The following NAV3 variants were observed in gnomAD, a reference collection of about 807,000 sequenced individuals.
NAV3 encodes the protein pore membrane and/or filament interacting like protein 1.
Under a neutral mutation model 244.7 loss-of-function variants are expected in NAV3, and 87 were observed. That is an observed-to-expected ratio of 0.36 (90% CI 0.30 to 0.42). NAV3 has a LOEUF of 0.42. Among genes scored for constraint, NAV3 ranks in the 20% least tolerant of loss-of-function variants. NAV3 has a pLI of 1.00. For synonymous variants in NAV3, 1,126 were observed against 1,042.2 expected, an observed-to-expected ratio of 1.08 and a Z score of -1.55; for missense variants, 2,663 against 2,893.3, an observed-to-expected ratio of 0.92 and a Z score of 1.83.
At chr12:77,905,429 G>A (rs1464640024) in intron 1 of NAV3, among the ~76,000 whole-genome samples, 7 of 152,016 alleles carry the variant, frequency 4.6e-5, no homozygotes, top group African/African-American at 1.7e-4. Context: ...AAAATAGAGA[G>A]GATCTTCAAA....
At chr12:77,903,676 G>A (rs1366053096) in intron 1 of NAV3, among the ~76,000 whole-genome samples, 1 of 152,276 alleles carries the variant, frequency 6.6e-6, no homozygotes, top group African/African-American at 2.4e-5. Flanking sequence ...CTTCTGCACA[G>A]CAAAAGAAAC....
chr12:77,734,298 G>A (rs1188835387), intron 2 of NAV3, among the ~76,000 whole-genome samples: 1 of 151,544 alleles, frequency 6.6e-6, no homozygotes, highest in Admixed American at 6.6e-5. Flanking sequence ...TGTATTCATG[G>A]TCTTTTTCAT....
chr12:77,620,710 C>T (rs540893492), intron 2 of NAV3, among the ~76,000 whole-genome samples: 1 of 152,216 alleles, frequency 6.6e-6, no homozygotes, highest in East Asian at 1.9e-4. Context: ...GATCCACCCC[C>T]CTCAGCCTCC....
intron 1 of NAV3, among the ~76,000 whole-genome samples, chr12:77,920,518 C>A (rs1887608646): frequency 6.6e-6 from 1 of 151,790 alleles, no homozygotes; most frequent in Non-Finnish European, 1.5e-5. Flanking sequence ...CCAAAAAAAC[C>A]CTTCATGACA....
At chr12:77,599,824 A>G (rs1223076148) in intron 2 of NAV3, among the ~76,000 whole-genome samples, 1 of 151,976 alleles carries the variant, frequency 6.6e-6, no homozygotes, top group Admixed American at 6.6e-5. Context: ...GTAAATTTTT[A>G]ATCCAGCTTA....
chr12:77,805,142 A>G (rs1374472624), intron 2 of NAV3, among the ~76,000 whole-genome samples: 6 of 152,254 alleles, frequency 3.9e-5, no homozygotes, highest in African/African-American at 1.2e-4. Context: ...CTCTTTTCCT[A>G]CTTGAATACC....
At chr12:78,038,047 T>C (rs969141399) in intron 9 of NAV3, among the ~76,000 whole-genome samples, 8 of 152,238 alleles carry the variant, frequency 5.3e-5, no homozygotes, top group South Asian at 2.1e-4. Context: ...TTTCATACTT[T>C]AGAAACTAGG....
intron 2 of NAV3, among the ~76,000 whole-genome samples, chr12:77,610,197 A>T (rs940580911): frequency 1.3e-5 from 2 of 152,116 alleles, no homozygotes; most frequent in African/African-American, 2.4e-5. Context: ...TTTCTGAGAT[A>T]TGCTAATACT....
intron 2 of NAV3, among the ~76,000 whole-genome samples, chr12:77,600,329 C>T (rs1400185134): frequency 6.6e-6 from 1 of 151,898 alleles, no homozygotes; most frequent in Non-Finnish European, 1.5e-5. Flanking sequence ...CTTATACTGA[C>T]TACTGACTGG....
chr12:77,800,946 G>A lies in NAV3; in HGVS notation c.73-139373G>A, dbSNP rs148175349. Among the ~76,000 whole-genome samples, 693 of 152,032 alleles carry A rather than the reference G, an allele frequency of 4.6e-3. 23 individuals are homozygous for A. In the East Asian group the frequency reaches 0.084, roughly 18 times the overall value. Reference sequence around the variant, plus strand: ...TAGAACTCTTCAGAGAAGATTATAAGATTTTATTAAAGAAGTAATTAGGGA... The same window carrying A: ...TAGAACTCTTCAGAGAAGATTATAAAATTTTATTAAAGAAGTAATTAGGGA... On this transcript the variant is annotated intron_variant, in intron 2 of 8. Coordinates refer to the NAV3 transcript ENST00000550042.
chr12:77,802,546 G>T (rs961433955), intron 2 of NAV3, among the ~76,000 whole-genome samples: 1 of 152,222 alleles, frequency 6.6e-6, no homozygotes, highest in African/African-American at 2.4e-5. Context: ...AGTCCTTCCA[G>T]AGAGATTCGA....
chr12:77,778,528 C>T (rs1050100337), intron 2 of NAV3, among the ~76,000 whole-genome samples: 3 of 149,188 alleles, frequency 2.0e-5, no homozygotes, highest in South Asian at 4.2e-4. Context: ...AGGAGAATGG[C>T]GTGAACTCAG....
intron 12 of NAV3, among the ~76,000 whole-genome samples, chr12:78,094,309 A>T (rs1005636792): frequency 2.8e-4 from 42 of 152,342 alleles, no homozygotes; most frequent in Middle Eastern, 6.8e-3. Flanking sequence ...TTATACCAAA[A>T]GACACCTAGA....
intron 2 of NAV3, among the ~76,000 whole-genome samples, chr12:77,821,021 CCTCT>C (rs776948428): frequency 4.6e-5 from 7 of 151,698 alleles, no homozygotes; most frequent in African/African-American, 1.7e-4. Flanking sequence ...TCTCAATATT[CCTCT>C]CTCTCTTTCT....
chr12:77,912,863 T>A (rs1387180723), intron 1 of NAV3, among the ~76,000 whole-genome samples: 1 of 152,100 alleles, frequency 6.6e-6, no homozygotes, highest in East Asian at 1.9e-4. Context: ...CCACCTGCCT[T>A]GGCCTCCCAA....
intron 8 of NAV3, chr12:78,010,917 T>C (rs1365862888): frequency 6.6e-6 from 1 of 152,110 alleles, no homozygotes; most frequent in Non-Finnish European, 1.5e-5. Context: ...TTCAGAGTTC[T>C]ATAAATATAA....
At chr12:77,660,573 CA>C (rs1440231113) in intron 2 of NAV3, among the ~76,000 whole-genome samples, 1 of 151,910 alleles carries the variant, frequency 6.6e-6, no homozygotes, top group African/African-American at 2.4e-5. Context: ...TATTAGTTTA[CA>C]AGTTAATAAT....
At chr12:77,966,404 T>C in intron 4 of NAV3, 103 bp downstream of exon 4, 2 of 933,970 alleles carry the variant, frequency 2.1e-6, no homozygotes, top group Non-Finnish European at 3.2e-6. Flanking sequence ...CTCCTTAATA[T>C]GATAAAGGAA....
chr12:77,860,903 C>A (rs956482630), intron 1 of NAV3, among the ~76,000 whole-genome samples: 1 of 151,836 alleles, frequency 6.6e-6, no homozygotes, highest in Admixed American at 6.6e-5. Flanking sequence ...ATAGAGTGGG[C>A]AGACTTGATC....
Sources: allele counts gnomAD v4.1 joint callset (sites outside exome capture counted in the v4.1 genomes callset), GRCh38; gene constraint gnomAD v4.1.1; transcripts MANE v1.5; gene names NCBI Gene and HGNC (gene_info 2026-07-23, HGNC 2026-07-21).